EFL1: variants seen among roughly 807,000 people sequenced by gnomAD.
The protein encoded by EFL1 is elongation factor like GTPase 1.
EFL1 carries 76 observed loss-of-function variants against 126.7 expected under a neutral mutation model. That is an observed-to-expected ratio of 0.60 (90% CI 0.50 to 0.73). The LOEUF (loss-of-function observed/expected upper bound fraction) is 0.73. EFL1 is among the 30% of genes least tolerant of loss of function. The pLI, the probability that EFL1 is intolerant of heterozygous loss-of-function variation, is 0.00. For synonymous variants in EFL1, 410 were observed against 448.4 expected (o/e 0.91, Z 1.08); for missense variants, 1,128 against 1,343.2 (o/e 0.84, Z 2.50).
At chr15:82,237,401 G>A (rs1223828740) in intron 7 of EFL1, among the ~76,000 whole-genome samples, 1 of 152,168 alleles carries the variant, frequency 6.6e-6, no homozygotes, top group Non-Finnish European at 1.5e-5. Flanking sequence ...ATCAGCACAT[G>A]AAAAGATGTT....
At chr15:82,262,087 G>C (rs2075129259) in intron 1 of EFL1, 1 of 262,682 alleles carries the variant, frequency 3.8e-6, no homozygotes, top group Non-Finnish European at 7.3e-6. Flanking sequence ...CAGTAACCCT[G>C]CCGGTGGAGG....
intron 15 of EFL1, among the ~76,000 whole-genome samples, chr15:82,181,433 A>G (rs1017416039): frequency 5.9e-5 from 9 of 152,174 alleles, no homozygotes; most frequent in African/African-American, 1.9e-4. Flanking sequence ...AACAGAGAAA[A>G]ACACAACCAT....
intron 15 of EFL1, among the ~76,000 whole-genome samples, chr15:82,169,044 A>T (rs2141247607): frequency 6.6e-6 from 1 of 152,210 alleles, no homozygotes; most frequent in East Asian, 2.0e-4. Context: ...GGATCCTGAG[A>T]CAGCCAGACT....
intron 14 of EFL1, 94 bp from the exon 15 acceptor site, chr15:82,214,949 G>A: frequency 7.8e-7 from 1 of 1,284,382 alleles, no homozygotes; most frequent in South Asian, 1.8e-5. Context: ...AGTAAGATAT[G>A]GTATAGCAAC....
chr15:82,145,106 C>T (rs1595939522), intron 18 of EFL1, among the ~76,000 whole-genome samples: 1 of 151,398 alleles, frequency 6.6e-6, no homozygotes, highest in Non-Finnish European at 1.5e-5. Context: ...GAGTTTGAAA[C>T]CAGCCTGACC....
chr15:82,133,028 A>G (rs2073676055), intron 19 of EFL1, among the ~76,000 whole-genome samples: 1 of 152,012 alleles, frequency 6.6e-6, no homozygotes, highest in African/African-American at 2.4e-5. Context: ...AAACAGCCTG[A>G]CTGGTCAAAA....
chr15:82,262,718 A>G lies in EFL1; in HGVS notation c.-124T>C. ...TGCGGGTCCGACACGCCCGCGCGCC[A>G]GGGGGCGGGGCCGGCTGTCGCTCGA... On this transcript the variant is annotated 5_prime_UTR_variant, in exon 1 of 20. Transcript: ENST00000268206. The G allele has an allele frequency of 1.2e-6, 1 of 811,158 alleles. No homozygotes were observed. The highest frequency in any genetic ancestry group is 3.3e-5 in the East Asian group (1 of 30,720). 50.2% of individuals were successfully genotyped at this position (811,158 alleles called of 1,614,324 possible). A position where few individuals can be genotyped will look rare whatever the true frequency, so the allele number is the denominator to read the frequency against.
At chr15:82,197,096 AG>A (rs1403994872) in intron 15 of EFL1, among the ~76,000 whole-genome samples, 3 of 152,196 alleles carry the variant, frequency 2.0e-5, no homozygotes, top group Non-Finnish European at 4.4e-5. Context: ...ATGCAAATAT[AG>A]TGAAACTGAT....
At position 82,238,260 on chromosome 15, in the gene EFL1, G is replaced by A. The variant is rs755060407; in HGVS notation, c.731+47C>T. On this transcript the variant is annotated intron_variant, in intron 7 of 19. Coordinates refer to ENST00000268206, the MANE Select transcript of EFL1 (RefSeq NM_024580.6). ...AAAGTTTCACTAAAAACAATCAACTGCATATAAAATCTGCAAAGAGATTTA... is the reference window on the plus strand; with the variant it reads ...AAAGTTTCACTAAAAACAATCAACTACATATAAAATCTGCAAAGAGATTTA... 5.7e-6 allele frequency: 9 copies of A among 1,578,702 alleles called. No homozygotes were observed. The South Asian group carries it at 9.1e-5, about 16-fold the overall frequency.
intron 15 of EFL1, among the ~76,000 whole-genome samples, chr15:82,187,359 G>A (rs1160741230): frequency 2.0e-5 from 3 of 152,092 alleles, no homozygotes; most frequent in African/African-American, 7.2e-5. Context: ...CTCTGTAACT[G>A]CAAATTTAAT....
chr15:82,151,629 GTCC>G lies in EFL1; in HGVS notation c.2822_2824del (p.Arg941del), dbSNP rs1209183203. On this transcript the variant is annotated inframe_deletion, in exon 18 of 20. Transcript: ENST00000268206. ...GAGTGGAGATTCTCCTTTCTGTGATGTCCTCTTCTCAAAGGCCTCAGAGCAGCC... is the reference window on the plus strand; with the variant it reads ...GAGTGGAGATTCTCCTTTCTGTGATGTCTTCTCAAAGGCCTCAGAGCAGCC... 3 of 1,613,994 alleles carry G rather than the reference GTCC, an allele frequency of 1.9e-6. No individual in the cohort carries two copies. The highest frequency in any genetic ancestry group is 2.5e-6 in the Non-Finnish European group (3 of 1,180,022).
chr15:82,225,383 G>A (rs2074752859), intron 11 of EFL1, 119 bp from the exon 12 acceptor site: 2 of 681,970 alleles, frequency 2.9e-6, no homozygotes, highest in East Asian at 3.2e-5. Context: ...AAATACACCA[G>A]AAGTCCATAA....
intron 15 of EFL1, among the ~76,000 whole-genome samples, chr15:82,194,601 T>C (rs146874352): frequency 1.7e-4 from 26 of 152,216 alleles, no homozygotes; most frequent in Non-Finnish European, 1.2e-4. Context: ...ACAGAATATA[T>C]CAGTGATAAT....
intron 15 of EFL1, 87 bp from the exon 16 acceptor site, chr15:82,164,071 T>A: frequency 6.6e-7 from 1 of 1,511,424 alleles, no homozygotes; most frequent in Non-Finnish European, 8.9e-7. Flanking sequence ...ACCCAGTATA[T>A]GTATCACAGA....
At chr15:82,146,764 G>A (rs905902288) in intron 18 of EFL1, among the ~76,000 whole-genome samples, 4 of 152,240 alleles carry the variant, frequency 2.6e-5, no homozygotes, top group African/African-American at 9.6e-5. Flanking sequence ...CACAGTTGCC[G>A]CACGCAGGGT....
intron 7 of EFL1, among the ~76,000 whole-genome samples, chr15:82,234,299 T>C (rs1483570198): frequency 6.6e-6 from 1 of 152,192 alleles, no homozygotes; most frequent in African/African-American, 2.4e-5. Flanking sequence ...AATGAATCAC[T>C]GTGAATGAAT....
intron 15 of EFL1, among the ~76,000 whole-genome samples, chr15:82,200,987 A>G (rs2074461625): frequency 6.6e-6 from 1 of 152,166 alleles, no homozygotes; most frequent in Non-Finnish European, 1.5e-5. Context: ...GGCTCAAGCA[A>G]TCTTCCACCT....
intron 18 of EFL1, among the ~76,000 whole-genome samples, chr15:82,146,493 T>C (rs958785015): frequency 1.3e-5 from 2 of 151,524 alleles, no homozygotes; most frequent in East Asian, 1.9e-4. Flanking sequence ...ACTGCATTGA[T>C]AGACCCTGGA....
Position 82,151,599 on chromosome 15 carries a change from T to C in EFL1, c.2855A>G (p.Asp952Gly). ...CTGTCCTGAGAAAGGTCCATAGCAGTCAGTGAGTGGAGATTCTCCTTTCTG... is the reference window on the plus strand; with the variant it reads ...CTGTCCTGAGAAAGGTCCATAGCAGCCAGTGAGTGGAGATTCTCCTTTCTG... ...TSQKGESPLT[D>G]CYGPFSGQLI... Residue 952 changes from aspartate (D) to glycine (G), a missense_variant, in exon 18 of 20, where the codon GAC (aspartate) becomes GGC (glycine). Asp to Gly is a moderately conservative substitution (Grantham distance 94). Coordinates refer to ENST00000268206, the MANE Select transcript of EFL1 (RefSeq NM_024580.6). 1 of 1,614,032 alleles carries C rather than the reference T, an allele frequency of 6.2e-7. No homozygotes were observed. The highest frequency in any genetic ancestry group is 2.2e-5 in the East Asian group (1 of 44,882).
Sources: gnomAD v4.1 joint callset for allele counts (sites outside exome capture counted in the v4.1 genomes callset) on GRCh38, gnomAD v4.1.1 for gene constraint, MANE v1.5 for transcripts, NCBI Gene and HGNC (gene_info 2026-07-23, HGNC 2026-07-21) for gene names.